Variants in CCDC93 observed in about 807,000 individuals in gnomAD.
The protein encoded by CCDC93 is CCC complex scaffolding subunit CCDC93, also known as coiled-coil domain-containing protein 93.
In CCDC93, 61 loss-of-function variants were observed where a neutral mutation model predicts 108.2. That is an observed-to-expected ratio of 0.56 (90% CI 0.46 to 0.70). CCDC93 has a LOEUF of 0.70. Among genes scored for constraint, CCDC93 ranks in the 30% least tolerant of loss-of-function variants. The pLI, the probability that CCDC93 is intolerant of heterozygous loss-of-function variation, is 0.00. For synonymous variants in CCDC93, 276 were observed against 260.4 expected, an observed-to-expected ratio of 1.06 and a Z score of -0.58; for missense variants, 685 against 764.2, an observed-to-expected ratio of 0.90 and a Z score of 1.22.
At chr2:118,004,070 G>A (rs1213522598) in intron 3 of CCDC93, among the ~76,000 whole-genome samples, 1 of 152,160 alleles carries the variant, frequency 6.6e-6, no homozygotes, top group African/African-American at 2.4e-5. Flanking sequence ...ACTGCAAACA[G>A]CTTGAAAGAC....
At chr2:117,926,020 A>T (rs531141120) in intron 23 of CCDC93, among the ~76,000 whole-genome samples, 38 of 152,288 alleles carry the variant, frequency 2.5e-4, no homozygotes, top group African/African-American at 7.7e-4. Flanking sequence ...GAATGACTAC[A>T]GGGTACATAA....
intron 23 of CCDC93, among the ~76,000 whole-genome samples, chr2:117,928,520 C>T (rs1434833526): frequency 5.3e-5 from 8 of 152,194 alleles, no homozygotes; most frequent in African/African-American, 1.9e-4. Context: ...TGCTCATCAT[C>T]ACTGGCCATC....
intron 4 of CCDC93, chr2:117,999,740 T>C (rs1414359865): frequency 6.6e-6 from 1 of 152,272 alleles, no homozygotes; most frequent in Non-Finnish European, 1.5e-5. Context: ...TCTCTAAGGT[T>C]ATAATACCTA....
intron 23 of CCDC93, among the ~76,000 whole-genome samples, chr2:117,925,767 C>G (rs34270952): frequency 0.061 from 9,322 of 152,258 alleles, 316 homozygotes; most frequent in Middle Eastern, 0.15. Flanking sequence ...ACCAAGCAGA[C>G]CTAATAGACA....
At chr2:118,007,685 C>T (rs925502891) in intron 2 of CCDC93, among the ~76,000 whole-genome samples, 8 of 152,032 alleles carry the variant, frequency 5.3e-5, no homozygotes, top group Non-Finnish European at 8.8e-5. Flanking sequence ...AAACAAACAA[C>T]AACAACAAAA....
At chr2:117,964,315 A>T (rs1178932789) in intron 11 of CCDC93, among the ~76,000 whole-genome samples, 3 of 152,184 alleles carry the variant, frequency 2.0e-5, no homozygotes, top group Non-Finnish European at 2.9e-5. Context: ...CATCCTCTGC[A>T]TTCTCCTCAA....
At position 118,005,624 on chromosome 2, in the gene CCDC93, G is replaced by A. The variant is rs1676844441; in HGVS notation, c.251+1098C>T. On this transcript the variant is annotated intron_variant, in intron 3 of 23. Coordinates refer to ENST00000376300, the MANE Select transcript of CCDC93 (RefSeq NM_019044.5). ...ATTTAAAAATTAGCTGGGCGTGGTG[G>A]TGTATGCCTGTGGCTCTAGCTACAC... Among the ~76,000 whole-genome samples the A allele has an allele frequency of 2.6e-5, 4 of 152,024 alleles. No individual in the cohort carries two copies. In the South Asian group the frequency reaches 8.3e-4, roughly 31 times the overall value.
intron 8 of CCDC93, 76 bp downstream of exon 8, chr2:117,977,918 G>A: frequency 7.3e-7 from 1 of 1,371,940 alleles, no homozygotes; most frequent in East Asian, 2.3e-5. Context: ...TGCCCGGCTT[G>A]TGAGTGTTAG....
rs971668412 is a variant in CCDC93 at position 117,927,676 on chromosome 2, C to A, written c.1842+3361G>T. ...GAAGAATCAATATCGTGAAAATGGC[C>A]ATACTGCCCAAGGTAATTTATAGAT... On this transcript the variant is annotated intron_variant, in intron 23 of 23. Coordinates refer to ENST00000376300, the MANE Select transcript of CCDC93 (RefSeq NM_019044.5). Among the ~76,000 whole-genome samples, 24 of 152,218 alleles carry A rather than the reference C, an allele frequency of 1.6e-4. No individual in the cohort carries two copies. In the East Asian group the frequency reaches 4.6e-3, roughly 29 times the overall value.
At chr2:118,007,443 G>A (rs891827050) in intron 2 of CCDC93, among the ~76,000 whole-genome samples, 3 of 152,290 alleles carry the variant, frequency 2.0e-5, no homozygotes, top group African/African-American at 4.8e-5. Context: ...AGGCTGAGGC[G>A]GGTGGATCAC....
chr2:117,932,062 G>A (rs1678353722), intron 22 of CCDC93, among the ~76,000 whole-genome samples: 1 of 152,122 alleles, frequency 6.6e-6, no homozygotes, highest in African/African-American at 2.4e-5. Flanking sequence ...TGACGGAGAG[G>A]AGGGTGGGTG....
chr2:118,004,180 G>T (rs1475023925), intron 3 of CCDC93, among the ~76,000 whole-genome samples: 1 of 152,160 alleles, frequency 6.6e-6, no homozygotes, highest in African/African-American at 2.4e-5. Context: ...TAAAACTAGG[G>T]ATAATCCCTA....
At chr2:117,951,203 G>T (rs1156593799) in intron 13 of CCDC93, 1 of 985,140 alleles carries the variant, frequency 1.0e-6, no homozygotes, top group African/African-American at 1.7e-5. Context: ...TTCATGCCAG[G>T]GGCTCTGCGG....
At chr2:118,001,233 T>C in intron 3 of CCDC93, 1 of 231,382 alleles carries the variant, frequency 4.3e-6, no homozygotes, top group Non-Finnish European at 8.4e-6. Context: ...GTTACTATTT[T>C]TTAACTTCCT....
chr2:117,963,002 AG>A (rs1423925040), intron 11 of CCDC93, among the ~76,000 whole-genome samples: 3 of 152,248 alleles, frequency 2.0e-5, no homozygotes, highest in African/African-American at 7.2e-5. Flanking sequence ...CCCATAAGTA[AG>A]GACTAGGTAT....
chr2:117,949,539 T>G (rs77723915), intron 13 of CCDC93, 144 bp from the exon 14 acceptor site: 3 of 677,824 alleles, frequency 4.4e-6, no homozygotes, highest in Non-Finnish European at 7.4e-6. Flanking sequence ...GGTAATTACA[T>G]CATACAACAG....
chr2:117,936,459 G>A (rs1678528777), intron 21 of CCDC93: 1 of 455,782 alleles, frequency 2.2e-6, no homozygotes, highest in Non-Finnish European at 3.9e-6. Context: ...TACAGTCAAA[G>A]TATTTGAAAG....
chr2:117,982,895 C>G lies in CCDC93; in HGVS notation c.620+3074G>C, dbSNP rs113786595. On this transcript the variant is annotated intron_variant, in intron 7 of 23. Coordinates refer to ENST00000376300, the MANE Select transcript of CCDC93 (RefSeq NM_019044.5). ...GGGAGAAAAGGCCAGACTTCCCATA[C>G]ACATGCTAGAGGGAGGGCTAGTGTG... is the stretch of plus-strand genomic sequence containing the variant. 7.4e-3 allele frequency among the ~76,000 whole-genome samples: 1,131 copies of G among 152,286 alleles called. 22 individuals are homozygous for G. Among genetic ancestry groups the G allele is most frequent in the African/African-American group, 0.026 (1,065 of 41,542 alleles).
At chr2:117,980,819 A>T (rs955132234) in intron 7 of CCDC93, among the ~76,000 whole-genome samples, 1 of 152,246 alleles carries the variant, frequency 6.6e-6, no homozygotes, top group African/African-American at 2.4e-5. Context: ...ATCACCTCAA[A>T]AAGAAACTCT....
Sources: allele counts gnomAD v4.1 joint callset (sites outside exome capture counted in the v4.1 genomes callset), GRCh38; gene constraint gnomAD v4.1.1; transcripts MANE v1.5; gene names NCBI Gene and HGNC (gene_info 2026-07-23, HGNC 2026-07-21).